SH3RF3: variants seen among roughly 807,000 people sequenced by gnomAD.
SH3RF3 encodes SH3 domain containing ring finger 3.
Under a neutral mutation model 66.3 loss-of-function variants are expected in SH3RF3, and 29 were observed. That is an observed-to-expected ratio of 0.44 (90% CI 0.33 to 0.60). The LOEUF (loss-of-function observed/expected upper bound fraction) is 0.60, where lower values mean the gene tolerates loss of function less well. SH3RF3 is among the 20% of genes least tolerant of loss of function. SH3RF3 has a pLI of 0.04. For synonymous variants in SH3RF3, 583 were observed against 532.0 expected (o/e 1.10, Z -1.32); for missense variants, 1,194 against 1,190.9 (o/e 1.00, Z -0.04).
chr2:109,221,605 G>A (rs2105149209), intron 1 of SH3RF3, among the ~76,000 whole-genome samples: 1 of 149,430 alleles, frequency 6.7e-6, no homozygotes, highest in South Asian at 2.1e-4. Flanking sequence ...AAAAAAAAGT[G>A]TGCATCTTCC....
intron 3 of SH3RF3, among the ~76,000 whole-genome samples, chr2:109,387,121 T>A (rs1450548754): frequency 6.6e-6 from 1 of 152,232 alleles, no homozygotes; most frequent in East Asian, 1.9e-4. Context: ...TAGCATATTG[T>A]TCTGTTTCTT....
chr2:109,214,792 C>T (rs1413483416), intron 1 of SH3RF3, among the ~76,000 whole-genome samples: 1 of 152,218 alleles, frequency 6.6e-6, no homozygotes, highest in Non-Finnish European at 1.5e-5. Context: ...CTTGCGTCCT[C>T]ACCCCTAAAG....
rs748467674 is a variant in SH3RF3, at chr2:109,501,704, G to T, written c.*33G>T. 4.1e-6 allele frequency: 3 copies of T among 728,480 alleles called. No individual in the cohort carries two copies. Among genetic ancestry groups the T allele is most frequent in the African/African-American group, 1.7e-5 (1 of 57,836 alleles). The allele number at this position is 728,480 out of a possible 1,614,324, so 45.1% of individuals were successfully genotyped here. ...TGCTCCCTGCACCCAGCTCACAGAG[G>T]GGGAGGCCGCCTGGGAAGCTCCACG... On this transcript the variant is annotated 3_prime_UTR_variant, in exon 10 of 10. Coordinates refer to ENST00000309415, the MANE Select transcript of SH3RF3 (RefSeq NM_001099289.3).
intron 8 of SH3RF3, among the ~76,000 whole-genome samples, chr2:109,458,477 GAAT>G (rs1371384621): frequency 6.6e-6 from 1 of 151,802 alleles, no homozygotes; most frequent in East Asian, 1.9e-4. Context: ...GTGAAAATGG[GAAT>G]AATGTCTTTT....
At chr2:109,461,454 C>T in intron 8 of SH3RF3, among the ~76,000 whole-genome samples, 1 of 135,486 alleles carries the variant, frequency 7.4e-6, no homozygotes, top group Non-Finnish European at 1.6e-5. Flanking sequence ...CGCGGTGATC[C>T]ACCTGCCAGA....
chr2:109,423,989 G>A (rs1048764108), intron 5 of SH3RF3, among the ~76,000 whole-genome samples: 4 of 152,214 alleles, frequency 2.6e-5, no homozygotes, highest in South Asian at 2.1e-4. Context: ...GGCAAAGGTC[G>A]GAGACGTCTG....
chr2:109,461,150 T>C (rs1678199715), intron 8 of SH3RF3, among the ~76,000 whole-genome samples: 1 of 152,238 alleles, frequency 6.6e-6, no homozygotes, highest in Non-Finnish European at 1.5e-5. Flanking sequence ...AACCCGATCA[T>C]GTGTCCACCC....
chr2:109,420,376 C>T (rs1014251065), intron 5 of SH3RF3, among the ~76,000 whole-genome samples: 2 of 152,104 alleles, frequency 1.3e-5, no homozygotes, highest in Admixed American at 6.5e-5. Flanking sequence ...GGTGGGTAGA[C>T]GTCAGAGGGA....
rs375877584 is a variant in SH3RF3 at position 109,276,868 on chromosome 2, A to C, written c.574-70806A>C. On this transcript the variant is annotated intron_variant, in intron 1 of 9. Transcript: ENST00000309415. ...TAGTTAAGCAAGATAAAATAATCTA[A>C]ATTCACATGGAAAAAAAAATGAGAT... 1.4e-4 allele frequency among the ~76,000 whole-genome samples: 22 copies of C among 152,254 alleles called. No homozygotes were observed. The East Asian group carries it at 1.7e-3, about 12-fold the overall frequency.
intron 1 of SH3RF3, among the ~76,000 whole-genome samples, chr2:109,144,113 A>C (rs1325530089): frequency 6.6e-6 from 1 of 152,236 alleles, no homozygotes; most frequent in Admixed American, 6.5e-5. Context: ...TGAATTCTGG[A>C]GTTCTACTGT....
intron 9 of SH3RF3, among the ~76,000 whole-genome samples, chr2:109,491,324 CAG>C (rs1235871156): frequency 6.6e-5 from 10 of 152,168 alleles, no homozygotes; most frequent in Admixed American, 1.3e-4. Flanking sequence ...GTGTCCCACT[CAG>C]GGAGCAGCTC....
intron 3 of SH3RF3, among the ~76,000 whole-genome samples, chr2:109,383,472 C>A (rs1276679694): frequency 6.6e-6 from 1 of 152,204 alleles, no homozygotes; most frequent in Non-Finnish European, 1.5e-5. Context: ...TGGAATCATT[C>A]TTCTCTTGTC....
intron 1 of SH3RF3, among the ~76,000 whole-genome samples, chr2:109,158,347 G>A (rs1677401186): frequency 6.6e-6 from 1 of 152,318 alleles, no homozygotes. Flanking sequence ...ACGCTTAGGT[G>A]TCCTCTTCTC....
intron 8 of SH3RF3, among the ~76,000 whole-genome samples, chr2:109,469,356 A>G (rs1178993293): frequency 6.6e-6 from 1 of 151,684 alleles, no homozygotes; most frequent in Non-Finnish European, 1.5e-5. Context: ...GTGGCCCTTT[A>G]CTAGCCCCCG....
At chr2:109,183,337 G>T (rs1678112002) in intron 1 of SH3RF3, among the ~76,000 whole-genome samples, 1 of 152,068 alleles carries the variant, frequency 6.6e-6, no homozygotes. Flanking sequence ...TAAGTGCTTT[G>T]CAAGGTGAGA....
At chr2:109,370,249 T>TC (rs1248766995) in intron 2 of SH3RF3, among the ~76,000 whole-genome samples, 1 of 150,474 alleles carries the variant, frequency 6.6e-6, no homozygotes, top group Non-Finnish European at 1.5e-5. Flanking sequence ...CTTTTTCTTT[T>TC]TTTTTTTTAA....
chr2:109,348,832 C>G (rs1682779357), intron 2 of SH3RF3, among the ~76,000 whole-genome samples: 1 of 152,122 alleles, frequency 6.6e-6, no homozygotes, highest in African/African-American at 2.4e-5. Flanking sequence ...CCCGCCGCCC[C>G]CAGATGTAAA....
intron 2 of SH3RF3, among the ~76,000 whole-genome samples, chr2:109,367,464 T>G (rs1683173661): frequency 6.6e-6 from 1 of 152,002 alleles, no homozygotes; most frequent in East Asian, 1.9e-4. Flanking sequence ...GTATTTTTAA[T>G]AGAAACGGGG....
chr2:109,383,667 G>A (rs924985662), intron 3 of SH3RF3, among the ~76,000 whole-genome samples: 1 of 152,174 alleles, frequency 6.6e-6, no homozygotes, highest in Non-Finnish European at 1.5e-5. Flanking sequence ...ATGAGAAACA[G>A]CACTGATTCC....
Sources: gnomAD v4.1 joint callset for allele counts (sites outside exome capture counted in the v4.1 genomes callset) on GRCh38, gnomAD v4.1.1 for gene constraint, MANE v1.5 for transcripts, NCBI Gene and HGNC (gene_info 2026-07-23, HGNC 2026-07-21) for gene names.